The following GALNT8 variants were observed in gnomAD, a reference collection of about 807,000 sequenced individuals.
The protein encoded by GALNT8 is probable polypeptide N-acetylgalactosaminyltransferase 8.
GALNT8 carries 66 observed loss-of-function variants against 62.7 expected under a neutral mutation model. The observed-to-expected ratio is 1.05, with a 90% CI of 0.86 to 1.29. The LOEUF (loss-of-function observed/expected upper bound fraction) is 1.29. GALNT8 is among the 50% of genes most tolerant of loss of function. The pLI, the probability that GALNT8 is intolerant of heterozygous loss-of-function variation, is 0.00. For synonymous variants in GALNT8, 288 were observed against 294.3 expected (o/e 0.98, Z 0.22); for missense variants, 771 against 791.8 (o/e 0.97, Z 0.32).
At chr12:4,764,981 C>A (rs2137544453) in intron 9 of GALNT8, among the ~76,000 whole-genome samples, 1 of 152,030 alleles carries the variant, frequency 6.6e-6, no homozygotes, top group Admixed American at 6.6e-5. Flanking sequence ...AATGGAGACA[C>A]ATTAATAACC....
intron 10 of GALNT8, among the ~76,000 whole-genome samples, chr12:4,770,628 G>C (rs1269899006): frequency 6.6e-6 from 1 of 152,182 alleles, no homozygotes; most frequent in East Asian, 1.9e-4. Context: ...TATATGAGAA[G>C]TGTGATCACT....
In GALNT8 at chr12:4,733,432, G is replaced by A. The variant is rs537072293; in HGVS notation, c.510-5731G>A. On this transcript the variant is annotated intron_variant, in intron 2 of 10. Transcript: ENST00000252318. ...TGTGGGTACGGATAAGAGAAGTGTC[G>A]TGAAAGCATTTCAAATATAGCCAAG... Among the ~76,000 whole-genome samples the A allele has an allele frequency of 2.6e-5, 4 of 152,262 alleles. No individual in the cohort carries two copies. In the South Asian group the frequency reaches 8.3e-4, roughly 32 times the overall value.
intron 3 of GALNT8, among the ~76,000 whole-genome samples, chr12:4,743,862 G>T (rs997178665): frequency 6.6e-6 from 1 of 152,170 alleles, no homozygotes; most frequent in East Asian, 1.9e-4. Flanking sequence ...TTACTTACAC[G>T]TGAGGAAGTC....
At chr12:4,762,793 C>A (rs1946378826) in intron 7 of GALNT8, among the ~76,000 whole-genome samples, 1 of 152,250 alleles carries the variant, frequency 6.6e-6, no homozygotes, top group African/African-American at 2.4e-5. Context: ...AGAAAAACTT[C>A]AGCCAAATTA....
Position 4,761,017 on chromosome 12 carries a change from G to A in GALNT8, c.1233G>A (p.Glu411=), listed in dbSNP as rs1946369334. 6.2e-7 allele frequency: 1 copy of A among 1,614,034 alleles called. No individual in the cohort carries two copies. Among genetic ancestry groups the A allele is most frequent in the Admixed American group, 1.7e-5 (1 of 59,996 alleles). ...ILPCSRIAHL[E]RHHKPYALDL... ...CCTGTTCCCGGATTGCCCACCTAGAGAGACACCACAAGCCCTACGCCTTGG... is the reference window on the plus strand; with the variant it reads ...CCTGTTCCCGGATTGCCCACCTAGAAAGACACCACAAGCCCTACGCCTTGG... The change falls in exon 7 of 11, where the codon GAG becomes GAA. Residue 411 remains glutamate, a synonymous_variant. Transcript: ENST00000252318.
chr12:4,766,648 T>C (rs1470129601), intron 10 of GALNT8, among the ~76,000 whole-genome samples: 2 of 152,044 alleles, frequency 1.3e-5, no homozygotes, highest in African/African-American at 4.8e-5. Flanking sequence ...GTGGGGAATT[T>C]ATAATGGATG....
Position 4,761,032 on chromosome 12 carries a change from C to G in GALNT8, c.1248C>G (p.Pro416=). ...CCCACCTAGAGAGACACCACAAGCC[C>G]TACGCCTTGGATCTCACCGCTGCCT... ...RIAHLERHHK[P]YALDLTAALK... is the part of the protein sequence containing the mutation. Residue 416 remains proline (P), a synonymous_variant, in exon 7 of 11, where the codon CCC becomes CCG. Coordinates refer to ENST00000252318, the MANE Select transcript of GALNT8 (RefSeq NM_017417.2). The G allele has an allele frequency of 1.2e-6, 2 of 1,614,078 alleles. No homozygotes were observed. The highest frequency in any genetic ancestry group is 1.7e-6 in the Non-Finnish European group (2 of 1,179,976).
At chr12:4,739,871 G>C (rs1260118570) in intron 3 of GALNT8, among the ~76,000 whole-genome samples, 1 of 151,914 alleles carries the variant, frequency 6.6e-6, no homozygotes. Context: ...ATTTCACCAT[G>C]TTAGCCATGA....
In GALNT8 at chr12:4,763,942, T is replaced by C. The variant is rs1946385527; in HGVS notation, c.1498-10T>C. On this transcript the variant is annotated splice_polypyrimidine_tract_variant and intron_variant, in intron 8 of 10. Coordinates refer to ENST00000252318, the MANE Select transcript of GALNT8 (RefSeq NM_017417.2). ...TCTAACAGTGTTGCCGTGTGTTTTG[T>C]CCCCTTCAGATGAAAAACCTATTGG... 2.1e-6 allele frequency: 3 copies of C among 1,403,204 alleles called. No homozygotes were observed. In the East Asian group the frequency reaches 6.8e-5, roughly 32 times the overall value. The allele number at this position is 1,403,204 out of a possible 1,614,324, so 86.9% of individuals were successfully genotyped here.
At chr12:4,729,431 G>A (rs765020729) in intron 2 of GALNT8, among the ~76,000 whole-genome samples, 1 of 151,690 alleles carries the variant, frequency 6.6e-6, no homozygotes, top group East Asian at 1.9e-4. Context: ...ACCCCTCTTC[G>A]CCCAGCCCCC....
At chr12:4,744,918 TG>T (rs1242062831) in intron 4 of GALNT8, among the ~76,000 whole-genome samples, 4 of 152,228 alleles carry the variant, frequency 2.6e-5, no homozygotes, top group African/African-American at 9.6e-5. Flanking sequence ...ATGCTGACTT[TG>T]CCAAATACTT....
At chr12:4,733,433 T>G (rs1013656310) in intron 2 of GALNT8, among the ~76,000 whole-genome samples, 2 of 152,094 alleles carry the variant, frequency 1.3e-5, no homozygotes, top group African/African-American at 4.8e-5. Flanking sequence ...AGAAGTGTCG[T>G]GAAAGCATTT....
Position 4,745,028 on chromosome 12 carries a change from G to A in GALNT8, c.860+328G>A, listed in dbSNP as rs1387189020. Among the ~76,000 whole-genome samples, 2 of 152,060 alleles carry A rather than the reference G, an allele frequency of 1.3e-5. 1 individual carries two copies. The highest frequency in any genetic ancestry group is 4.1e-4 in the South Asian group (2 of 4,828). On this transcript the variant is annotated intron_variant, in intron 4 of 10. Transcript: ENST00000252318. ...TGGTTATTTTAAAGGTTTTTCCCCA[G>A]CCATGAAATTACATAATAAAATAAA...
chr12:4,721,463 G>A (rs1397838526), intron 1 of GALNT8, among the ~76,000 whole-genome samples: 1 of 152,136 alleles, frequency 6.6e-6, no homozygotes, highest in Non-Finnish European at 1.5e-5. Context: ...TAGGATAATA[G>A]TGGAGAGAAG....
Position 4,721,833 on chromosome 12 carries a change from T to TTTCA in GALNT8, c.211+946_211+949dup, listed in dbSNP as rs1359726383. 2.6e-5 allele frequency among the ~76,000 whole-genome samples: 4 copies of TTTCA among 152,330 alleles called. No homozygotes were observed. In the East Asian group the frequency reaches 7.7e-4, roughly 29 times the overall value. On this transcript the variant is annotated intron_variant, in intron 1 of 10. Transcript: ENST00000252318. ...GTCTTTCCCTTCCCACGAGGCCATA[T>TTTCA]TTCAGATGGTCACATGGGGAGAAAC...
chr12:4,735,918 A>T (rs987471142), intron 2 of GALNT8, among the ~76,000 whole-genome samples: 1 of 152,194 alleles, frequency 6.6e-6, no homozygotes, highest in Non-Finnish European at 1.5e-5. Context: ...AGAAGAGAGG[A>T]TAAAGAATTC....
chr12:4,720,566 A>C lies in GALNT8; in HGVS notation c.-112A>C. 1.3e-6 allele frequency: 1 copy of C among 757,992 alleles called. No individual in the cohort carries two copies. The highest frequency in any genetic ancestry group is 1.6e-5 in the South Asian group (1 of 63,238). The allele number at this position is 757,992 out of a possible 1,614,324, so 47.0% of individuals were successfully genotyped here. On this transcript the variant is annotated 5_prime_UTR_variant, in exon 1 of 11. Transcript: ENST00000252318. Reference sequence around the variant, plus strand: ...GTCTCACACAGGGGAGACCAACTCAACTGGCACCTAGAACTCTCTTTCCCA... The same window carrying C: ...GTCTCACACAGGGGAGACCAACTCACCTGGCACCTAGAACTCTCTTTCCCA...
chr12:4,745,305 C>G, intron 4 of GALNT8, 124 bp from the exon 5 acceptor site: 2 of 685,192 alleles, frequency 2.9e-6, no homozygotes, highest in Non-Finnish European at 5.3e-6. Flanking sequence ...TACTCACAAC[C>G]CAGTACAGCC....
intron 7 of GALNT8, among the ~76,000 whole-genome samples, chr12:4,761,676 G>A (rs1397222202): frequency 6.6e-6 from 1 of 151,830 alleles, no homozygotes; most frequent in Non-Finnish European, 1.5e-5. Context: ...TGGAACTCCT[G>A]GCCTCCCAAA....
Sources: allele counts gnomAD v4.1 joint callset (sites outside exome capture counted in the v4.1 genomes callset), GRCh38; gene constraint gnomAD v4.1.1; transcripts MANE v1.5; gene names NCBI Gene and HGNC (gene_info 2026-07-23, HGNC 2026-07-21).